The following PIK3R6 variants were observed in gnomAD, a reference collection of about 807,000 sequenced individuals.
PIK3R6 encodes phosphoinositide 3-kinase regulatory subunit 6.
PIK3R6 carries 91 observed loss-of-function variants against 84.9 expected under a neutral mutation model. The observed-to-expected ratio is 1.07, with a 90% confidence interval of 0.90 to 1.28. The LOEUF is 1.28. PIK3R6 is among the 50% of genes most tolerant of loss of function. The probability of loss-of-function intolerance (pLI) is 0.00; values close to 1 mark genes in which losing one functional copy is unlikely to be tolerated. For synonymous variants in PIK3R6, 416 were observed against 411.4 expected (o/e 1.01, Z -0.13); for missense variants, 996 against 985.1 (o/e 1.01, Z -0.15).
intron 10 of PIK3R6, among the ~76,000 whole-genome samples, chr17:8,829,289 C>A (rs1329138363): frequency 8.7e-6 from 1 of 115,000 alleles, no homozygotes; most frequent in African/African-American, 3.7e-5. Flanking sequence ...ACACACGCAT[C>A]ATGCATACAC....
chr17:8,851,354 G>A (rs1388638632), intron 1 of PIK3R6, among the ~76,000 whole-genome samples: 2 of 152,052 alleles, frequency 1.3e-5, no homozygotes. Flanking sequence ...AAATTAGCCG[G>A]GCGTGGTGGT....
chr17:8,824,825 T>C (rs2087865733), intron 13 of PIK3R6, among the ~76,000 whole-genome samples: 1 of 152,204 alleles, frequency 6.6e-6, no homozygotes, highest in South Asian at 2.1e-4. Context: ...TCGGATCAGG[T>C]ATAAGCCAGA....
intron 9 of PIK3R6, among the ~76,000 whole-genome samples, chr17:8,831,985 T>C (rs534651790): frequency 1.2e-4 from 19 of 152,278 alleles, no homozygotes; most frequent in African/African-American, 4.3e-4. Flanking sequence ...AATATGCAAA[T>C]AGGAAGGGTG....
rs145128104 is a variant in PIK3R6 at position 8,822,715 on chromosome 17, TC to T, written c.1718-59del. On this transcript the variant is annotated intron_variant, in intron 15 of 19. Transcript: ENST00000619866. ...GGTTCCCAGGCCTCTTGCCCTAACT[TC>T]CCCACCTCTCTGAGGGCAGGAGCTG... 9.8e-3 allele frequency: 14,993 copies of T among 1,535,186 alleles called. 238 individuals are homozygous for T. Among genetic ancestry groups the T allele is most frequent in the African/African-American group, 0.04 (2,925 of 72,812 alleles).
At chr17:8,856,251 C>A (rs556514238) in intron 1 of PIK3R6, among the ~76,000 whole-genome samples, 48 of 152,166 alleles carry the variant, frequency 3.2e-4, no homozygotes, top group Non-Finnish European at 6.2e-4. Flanking sequence ...TTTCTGGGTA[C>A]CCTTTACCCA....
intron 13 of PIK3R6, among the ~76,000 whole-genome samples, chr17:8,823,738 C>T (rs192853063): frequency 9.9e-5 from 15 of 152,266 alleles, no homozygotes; most frequent in East Asian, 5.8e-4. Flanking sequence ...GACTACTGAG[C>T]GCTGCTATGT....
intron 18 of PIK3R6, among the ~76,000 whole-genome samples, chr17:8,810,530 G>A (rs1452386113): frequency 1.3e-5 from 2 of 148,340 alleles, no homozygotes; most frequent in Non-Finnish European, 2.9e-5. Flanking sequence ...TTGAGACAAG[G>A]CAAGTCCCTT....
At chr17:8,824,612 G>A (rs1301736827) in intron 13 of PIK3R6, among the ~76,000 whole-genome samples, 1 of 152,168 alleles carries the variant, frequency 6.6e-6, no homozygotes, top group East Asian at 1.9e-4. Flanking sequence ...TTTGGAGTAA[G>A]CATAGGGCCA....
chr17:8,833,117 G>A, intron 8 of PIK3R6, 72 bp from the exon 9 acceptor site: 4 of 1,463,062 alleles, frequency 2.7e-6, no homozygotes, highest in Non-Finnish European at 3.6e-6. Context: ...AGCCAAGTCC[G>A]CAGGGCCCTG....
At chr17:8,816,339 T>C (rs2087539289) in intron 18 of PIK3R6, among the ~76,000 whole-genome samples, 1 of 152,230 alleles carries the variant, frequency 6.6e-6, no homozygotes, top group Admixed American at 6.5e-5. Context: ...ACCAATGTGA[T>C]AAGAGAGCAT....
intron 18 of PIK3R6, among the ~76,000 whole-genome samples, chr17:8,811,147 A>ACATGAAAGCTGC (rs1174785702): frequency 6.7e-6 from 1 of 148,764 alleles, no homozygotes; most frequent in Non-Finnish European, 1.5e-5. Context: ...GCTCAACACC[A>ACATGAAAGCTGC]CATGAAAGCT....
chr17:8,829,412 AGACACACT>A (rs1375766276), intron 10 of PIK3R6, among the ~76,000 whole-genome samples: 44 of 146,914 alleles, frequency 3.0e-4, no homozygotes, highest in African/African-American at 9.8e-4. Context: ...ACATACACAC[AGACACACT>A]GACACACTCA....
At chr17:8,827,417 G>T in intron 12 of PIK3R6, 123 bp from the exon 13 acceptor site, 1 of 1,167,896 alleles carries the variant, frequency 8.6e-7, no homozygotes, top group Non-Finnish European at 1.2e-6. Context: ...ATGAATTTCT[G>T]CATGTGAAGA....
rs1020218769 is a variant in PIK3R6 at position 8,803,149 on chromosome 17, C to T, written c.*124G>A. The T allele has an allele frequency of 3.6e-5, 47 of 1,310,414 alleles. No homozygotes were observed. Among genetic ancestry groups the T allele is most frequent in the South Asian group, 9.7e-5 (7 of 72,082 alleles). The allele number at this position is 1,310,414 out of a possible 1,614,324, so 81.2% of individuals were successfully genotyped here. On this transcript the variant is annotated 3_prime_UTR_variant, in exon 20 of 20. Transcript: ENST00000619866. The surrounding 1 kb of genome is among the most constrained non-coding windows in gnomAD (Gnocchi z 5.0). Reference sequence around the variant, plus strand: ...TAGGCTCCCTGTGCTCCCAGGCACTCGCTGGCTCCTGGTCAAGGCCAAAGC... The same window carrying T: ...TAGGCTCCCTGTGCTCCCAGGCACTTGCTGGCTCCTGGTCAAGGCCAAAGC...
intron 7 of PIK3R6, among the ~76,000 whole-genome samples, chr17:8,836,105 A>G (rs953251022): frequency 1.3e-5 from 2 of 152,188 alleles, no homozygotes; most frequent in East Asian, 3.9e-4. Context: ...GTCTTATCTA[A>G]GAGGCTTGGC....
At position 8,828,180 on chromosome 17, in the gene PIK3R6, T is replaced by C. The variant is rs201665615; in HGVS notation, c.1324A>G (p.Thr442Ala). 1.1e-5 allele frequency: 17 copies of C among 1,613,772 alleles called. No individual in the cohort carries two copies. In the African/African-American group the frequency reaches 2.0e-4, roughly 19 times the overall value. Residue 442 changes from threonine to alanine, a missense_variant, in exon 12 of 20, where the codon ACC becomes GCC. Coordinates refer to ENST00000619866, the MANE Select transcript of PIK3R6 (RefSeq NM_001010855.4). ...CTGGGAGTGAGGCAGAACTTCTGGGTCTCCCGTTTCCTAGCAATGGGCAGC... is the reference window on the plus strand; with the variant it reads ...CTGGGAGTGAGGCAGAACTTCTGGGCCTCCCGTTTCCTAGCAATGGGCAGC... The part of the protein sequence containing the change: ...QAYHRLRKRE[T>A]QKFCLTPRLS...
chr17:8,853,930 T>C (rs914418260), intron 1 of PIK3R6, among the ~76,000 whole-genome samples: 2 of 149,580 alleles, frequency 1.3e-5, no homozygotes, highest in African/African-American at 2.5e-5. Flanking sequence ...GCCACTGTAC[T>C]CTAGCCTGGT....
At chr17:8,823,586 T>G in intron 13 of PIK3R6, 89 bp from the exon 14 acceptor site, 1 of 894,454 alleles carries the variant, frequency 1.1e-6, no homozygotes, top group Non-Finnish European at 1.8e-6. Flanking sequence ...TTCAAGCCCC[T>G]ACATCTCTGG....
chr17:8,818,736 T>G (rs1426247819), intron 18 of PIK3R6, among the ~76,000 whole-genome samples: 1 of 152,126 alleles, frequency 6.6e-6, no homozygotes, highest in East Asian at 1.9e-4. Context: ...GGCCACAGAT[T>G]GGGCTGTTGT....
Sources: gnomAD v4.1 joint callset for allele counts (sites outside exome capture counted in the v4.1 genomes callset) on GRCh38, gnomAD v4.1.1 for gene constraint, Gnocchi (gnomAD v3.1) non-coding constraint, MANE v1.5 for transcripts, NCBI Gene and HGNC (gene_info 2026-07-23, HGNC 2026-07-21) for gene names.